Variants in CHCHD6 observed in about 807,000 individuals in gnomAD.
CHCHD6 encodes MICOS complex subunit MIC25.
A neutral mutation model predicts 32.3 loss-of-function variants in CHCHD6; 28 were observed. The ratio of observed to expected loss-of-function variants is 0.87; its 90% confidence interval spans 0.64 to 1.19. The LOEUF (loss-of-function observed/expected upper bound fraction) is 1.19, where lower values mean the gene tolerates loss of function less well. CHCHD6 is among the 50% of genes most tolerant of loss of function. The pLI, the probability that CHCHD6 is intolerant of heterozygous loss-of-function variation, is 0.00. For synonymous variants in CHCHD6, 122 were observed against 117.5 expected, an observed-to-expected ratio of 1.04 and a Z score of -0.25; for missense variants, 333 against 307.0, an observed-to-expected ratio of 1.08 and a Z score of -0.63.
intron 4 of CHCHD6, among the ~76,000 whole-genome samples, chr3:126,821,609 G>C (rs1046675696): frequency 6.6e-6 from 1 of 152,160 alleles, no homozygotes; most frequent in Non-Finnish European, 1.5e-5. Context: ...TAACTCTTAA[G>C]TTTAAATTTT....
chr3:126,912,283 A>G (rs2078101749), intron 5 of CHCHD6, among the ~76,000 whole-genome samples: 2 of 152,132 alleles, frequency 1.3e-5, no homozygotes, highest in South Asian at 4.1e-4. Context: ...GGGCGTCTGC[A>G]TGGAGTGGGA....
chr3:126,873,197 A>G (rs919326327), intron 5 of CHCHD6, among the ~76,000 whole-genome samples: 1 of 152,234 alleles, frequency 6.6e-6, no homozygotes, highest in Non-Finnish European at 1.5e-5. Flanking sequence ...TCTAGATGAG[A>G]AATAGTGATA....
chr3:126,912,565 T>A (rs914596387), intron 5 of CHCHD6, among the ~76,000 whole-genome samples: 1 of 152,166 alleles, frequency 6.6e-6, no homozygotes, highest in African/African-American at 2.4e-5. Context: ...GCATCCATTA[T>A]CTCCTTGGCT....
intron 5 of CHCHD6, among the ~76,000 whole-genome samples, chr3:126,859,377 G>C (rs1466925289): frequency 6.6e-6 from 1 of 152,160 alleles, no homozygotes; most frequent in Non-Finnish European, 1.5e-5. Context: ...GGGAAAACAG[G>C]CTGGCCTGAG....
Position 126,704,388 on chromosome 3 carries a change from C to T in CHCHD6, c.76C>T (p.Gln26Ter), listed in dbSNP as rs771868269. The T allele has an allele frequency of 1.5e-5, 23 of 1,559,478 alleles. No individual in the cohort carries two copies. Among genetic ancestry groups the T allele is most frequent in the Middle Eastern group, 2.3e-4 (1 of 4,386 alleles). Reference sequence around the variant, plus strand: ...CGAGGAGGAGCGGGTCCGGGTGCTGCAGGGTGTCCGGGTGAGCGGCGCCGC... The same window carrying T: ...CGAGGAGGAGCGGGTCCGGGTGCTGTAGGGTGTCCGGGTGAGCGGCGCCGC... The part of the protein sequence containing the change: ...VDEEERVRVL[Q>*]GVRLSENVVN... Residue 26 changes from glutamine (Q) to a stop codon, truncating the protein, a stop_gained, in exon 1 of 8, where the codon CAG (glutamine) becomes TAG (stop). Transcript: ENST00000290913. LOFTEE classifies it high-confidence loss of function.
At chr3:126,735,290 G>T (rs987931467) in intron 4 of CHCHD6, among the ~76,000 whole-genome samples, 1 of 152,166 alleles carries the variant, frequency 6.6e-6, no homozygotes, top group Non-Finnish European at 1.5e-5. Context: ...GAGATTGAGC[G>T]CCGCTTTCTC....
intron 6 of CHCHD6, among the ~76,000 whole-genome samples, chr3:126,929,450 T>A (rs2078371290): frequency 6.6e-6 from 1 of 152,238 alleles, no homozygotes; most frequent in South Asian, 2.1e-4. Flanking sequence ...AAGTGCCCTG[T>A]TTAGACTTGA....
At chr3:126,801,841 A>G (rs1038649377) in intron 4 of CHCHD6, among the ~76,000 whole-genome samples, 6 of 152,160 alleles carry the variant, frequency 3.9e-5, no homozygotes, top group Admixed American at 1.3e-4. Flanking sequence ...CACCTCACAC[A>G]GCCGGGTACT....
chr3:126,942,174 A>G (rs1011594760), intron 6 of CHCHD6, among the ~76,000 whole-genome samples: 2 of 152,176 alleles, frequency 1.3e-5, no homozygotes, highest in African/African-American at 4.8e-5. Flanking sequence ...GGTGCATCCC[A>G]TCAGTAGGTT....
intron 4 of CHCHD6, among the ~76,000 whole-genome samples, chr3:126,749,103 G>A (rs1238411496): frequency 6.6e-6 from 1 of 152,178 alleles, no homozygotes; most frequent in East Asian, 1.9e-4. Flanking sequence ...GGCCTGGGTG[G>A]TAGAGAGTTC....
At chr3:126,841,172 A>G (rs1164382097) in intron 4 of CHCHD6, among the ~76,000 whole-genome samples, 1 of 151,910 alleles carries the variant, frequency 6.6e-6, no homozygotes, top group Non-Finnish European at 1.5e-5. Flanking sequence ...GCAATAGCTC[A>G]CTGAGAATGA....
intron 4 of CHCHD6, among the ~76,000 whole-genome samples, chr3:126,834,344 A>G (rs1014681258): frequency 6.6e-6 from 1 of 152,198 alleles, no homozygotes; most frequent in African/African-American, 2.4e-5. Flanking sequence ...GTACAGATAG[A>G]TGATACAGTT....
intron 4 of CHCHD6, among the ~76,000 whole-genome samples, chr3:126,850,360 C>T (rs1431352040): frequency 6.6e-6 from 1 of 152,230 alleles, no homozygotes; most frequent in African/African-American, 2.4e-5. Context: ...GAAAAGTAGG[C>T]CTTGATGTCC....
At position 126,874,218 on chromosome 3, in the gene CHCHD6, C is replaced by T. The variant is rs547564900; in HGVS notation, c.495+21488C>T. Among the ~76,000 whole-genome samples the T allele has an allele frequency of 2.0e-5, 3 of 152,326 alleles. No homozygotes were observed. The South Asian group carries it at 6.2e-4, about 32-fold the overall frequency. ...GCCTTACCACTTACTCTAGGTGTAA[C>T]ACCAGGTGTCTAAAAAGTGTTTCCT... On this transcript the variant is annotated intron_variant, in intron 5 of 7. Coordinates refer to ENST00000290913, the MANE Select transcript of CHCHD6 (RefSeq NM_032343.3).
At chr3:126,938,768 G>A (rs1367276816) in intron 6 of CHCHD6, among the ~76,000 whole-genome samples, 1 of 143,122 alleles carries the variant, frequency 7.0e-6, no homozygotes, top group Non-Finnish European at 1.5e-5. Context: ...GACTGAGGGG[G>A]CTGTGTGGCT....
chr3:126,911,163 C>G (rs2078085042), intron 5 of CHCHD6, among the ~76,000 whole-genome samples: 1 of 152,194 alleles, frequency 6.6e-6, no homozygotes, highest in Non-Finnish European at 1.5e-5. Flanking sequence ...CCCACAGCAC[C>G]TGGGAGGACT....
At chr3:126,926,635 G>A (rs2078327936) in intron 6 of CHCHD6, among the ~76,000 whole-genome samples, 1 of 152,208 alleles carries the variant, frequency 6.6e-6, no homozygotes, top group African/African-American at 2.4e-5. Context: ...AAACATCCGA[G>A]AGGGTAGAGA....
At chr3:126,894,848 C>G (rs576077302) in intron 5 of CHCHD6, among the ~76,000 whole-genome samples, 1 of 152,324 alleles carries the variant, frequency 6.6e-6, no homozygotes, top group East Asian at 1.9e-4. Flanking sequence ...AAGACATGTG[C>G]AACAAAAGGT....
chr3:126,835,601 C>T (rs111471730), intron 4 of CHCHD6, among the ~76,000 whole-genome samples: 4,455 of 152,322 alleles, frequency 0.029, 87 homozygotes, highest in Non-Finnish European at 0.044. Context: ...CTGCAAGGAA[C>T]TATAGGTCTG....
Sources: allele counts gnomAD v4.1 joint callset (sites outside exome capture counted in the v4.1 genomes callset), GRCh38; gene constraint gnomAD v4.1.1; transcripts MANE v1.5; gene names NCBI Gene and HGNC (gene_info 2026-07-23, HGNC 2026-07-21).